Variants in GLIS3 observed in about 807,000 individuals in gnomAD.
GLIS3 encodes zinc finger protein GLIS3.
GLIS3 carries 53 observed loss-of-function variants against 78.6 expected under a neutral mutation model. That is an observed-to-expected ratio of 0.67 (90% CI 0.54 to 0.85). GLIS3 has a LOEUF of 0.85. Ranked by LOEUF, GLIS3 falls within the 40% of genes least tolerant of loss-of-function variation. The probability of loss-of-function intolerance (pLI) is 0.00; values close to 1 mark genes in which losing one functional copy is unlikely to be tolerated. For missense variants in GLIS3, 1,703 were observed against 1,231.1 expected (o/e 1.38, Z -5.74); for synonymous variants, 684 against 509.9 (o/e 1.34, Z -4.60).
intron 4 of GLIS3, among the ~76,000 whole-genome samples, chr9:3,966,234 T>C (rs565661745): frequency 6.6e-6 from 1 of 152,320 alleles, no homozygotes; most frequent in South Asian, 2.1e-4. Flanking sequence ...CTGAATGGGA[T>C]TGATGAAATC....
At chr9:3,924,729 T>C (rs1209876413) in intron 6 of GLIS3, among the ~76,000 whole-genome samples, 2 of 152,116 alleles carry the variant, frequency 1.3e-5, no homozygotes, top group African/African-American at 4.8e-5. Flanking sequence ...AATACTTTGG[T>C]GGGGATGGAG....
chr9:3,886,528 C>A (rs1822084534), intron 7 of GLIS3, among the ~76,000 whole-genome samples: 1 of 152,172 alleles, frequency 6.6e-6, no homozygotes, highest in Non-Finnish European at 1.5e-5. Flanking sequence ...AGTATTTTTA[C>A]ACTTTCAGCA....
At chr9:4,101,210 T>C (rs1417034820) in intron 4 of GLIS3, among the ~76,000 whole-genome samples, 1 of 152,200 alleles carries the variant, frequency 6.6e-6, no homozygotes, top group Non-Finnish European at 1.5e-5. Context: ...GCAACCATCT[T>C]TTCTACTGCA....
the GLIS3 span, among the ~76,000 whole-genome samples, chr9:4,481,511 CAT>C: frequency 8.8e-6 from 1 of 113,830 alleles, no homozygotes; most frequent in African/African-American, 4.0e-5. Flanking sequence ...TAATTAAAAA[CAT>C]AAGTGTGTGT....
At chr9:3,888,384 A>T (rs1025422976) in intron 7 of GLIS3, among the ~76,000 whole-genome samples, 1 of 152,156 alleles carries the variant, frequency 6.6e-6, no homozygotes, top group Non-Finnish European at 1.5e-5. Context: ...CTTTCACGTG[A>T]CTTCTAAAAT....
chr9:4,157,866 G>C (rs539944569), intron 2 of GLIS3, among the ~76,000 whole-genome samples: 1 of 152,048 alleles, frequency 6.6e-6, no homozygotes, highest in Non-Finnish European at 1.5e-5. Context: ...TTGCTTTCAT[G>C]GTTCATTTAG....
chr9:4,408,157 C>A, the GLIS3 span, among the ~76,000 whole-genome samples: 3 of 152,140 alleles, frequency 2.0e-5, no homozygotes, highest in East Asian at 5.8e-4. Context: ...CCCTCGTACG[C>A]TGTCAGTGGG....
chr9:3,825,262 C>G lies in GLIS3; in HGVS notation c.*3010G>C, dbSNP rs1817666438. 6.6e-6 allele frequency: 1 copy of G among 151,966 alleles called. No homozygotes were observed. The highest frequency in any genetic ancestry group is 2.1e-4 in the South Asian group (1 of 4,818). The allele number at this position is 151,966 out of a possible 1,614,324, so 9.4% of individuals were successfully genotyped here. On this transcript the variant is annotated 3_prime_UTR_variant, in exon 11 of 11. Transcript: ENST00000381971. Reference sequence around the variant, plus strand: ...TTTTTTTCTTCTTATTTTATGATCGCTTATGTAATTTGAGGGCGACATGGG... The same window carrying G: ...TTTTTTTCTTCTTATTTTATGATCGGTTATGTAATTTGAGGGCGACATGGG...
intron 2 of GLIS3, among the ~76,000 whole-genome samples, chr9:4,228,198 C>CA (rs59507597): frequency 0.023 from 2,491 of 106,928 alleles, 66 homozygotes; most frequent in East Asian, 0.075. Flanking sequence ...TCTAAGGTGG[C>CA]AAAAAAAAAA....
chr9:3,889,858 T>G (rs563147453), intron 7 of GLIS3, among the ~76,000 whole-genome samples: 1 of 152,340 alleles, frequency 6.6e-6, no homozygotes, highest in South Asian at 2.1e-4. Context: ...GCAGGCCAGA[T>G]TTGGCCTATG....
At chr9:4,150,100 T>C (rs993118645) in intron 2 of GLIS3, among the ~76,000 whole-genome samples, 43 of 152,050 alleles carry the variant, frequency 2.8e-4, no homozygotes, top group African/African-American at 1.0e-3. Context: ...TCTGGTACAA[T>C]AAAAGGTAAA....
intron 4 of GLIS3, among the ~76,000 whole-genome samples, chr9:4,028,787 A>C (rs1179032003): frequency 6.6e-6 from 1 of 152,354 alleles, no homozygotes; most frequent in South Asian, 2.1e-4. Context: ...ATTTGTAGCT[A>C]ATGAGCTAAG....
chr9:4,435,313 G>A, the GLIS3 span, among the ~76,000 whole-genome samples: 3 of 150,002 alleles, frequency 2.0e-5, no homozygotes, highest in Non-Finnish European at 4.5e-5. Context: ...TAGATTGAAT[G>A]GGATTATGAA....
chr9:4,254,659 G>GTGAA (rs1008733788), intron 2 of GLIS3, among the ~76,000 whole-genome samples: 7 of 152,036 alleles, frequency 4.6e-5, no homozygotes, highest in Non-Finnish European at 8.8e-5. Flanking sequence ...GGCCAACATG[G>GTGAA]TGAAACCCCA....
intron 4 of GLIS3, among the ~76,000 whole-genome samples, chr9:4,115,885 G>T (rs1016622659): frequency 1.3e-5 from 2 of 152,172 alleles, no homozygotes; most frequent in Non-Finnish European, 2.9e-5. Context: ...CCACCTAGAA[G>T]TGGGGAGTGG....
chr9:4,084,319 T>C (rs1330480515), intron 4 of GLIS3, among the ~76,000 whole-genome samples: 1 of 145,998 alleles, frequency 6.8e-6, no homozygotes, highest in Admixed American at 6.9e-5. Flanking sequence ...CCCTTAAACT[T>C]AGAGGGGCCT....
At chr9:4,328,548 A>G (rs1016177449) in intron 2 of GLIS3, among the ~76,000 whole-genome samples, 3 of 152,224 alleles carry the variant, frequency 2.0e-5, no homozygotes, top group Non-Finnish European at 2.9e-5. Flanking sequence ...GGGGAAATCT[A>G]GAGGGGCCAA....
Position 4,321,251 on chromosome 9 carries a change from T to G in GLIS3, n.265-10723A>C, listed in dbSNP as rs192876260. Among the ~76,000 whole-genome samples, 102 of 132,508 alleles carry G rather than the reference T, an allele frequency of 7.7e-4. 3 individuals carry two copies. Among genetic ancestry groups the G allele is most frequent in the Admixed American group, 2.8e-3 (38 of 13,730 alleles). 86.9% of individuals were successfully genotyped at this position (132,508 alleles called of 152,430 possible). A position where few individuals can be genotyped will look rare whatever the true frequency, so the allele number is the denominator to read the frequency against. On this transcript the variant is annotated intron_variant and non_coding_transcript_variant, in intron 2 of 4. Transcript: ENST00000471664. ...CTGGCTAACACGGTGAAACCCCGTC[T>G]CTACTAAAAATACAAAAAAAATTAG...
chr9:4,396,756 T>C, the GLIS3 span, among the ~76,000 whole-genome samples: 2 of 152,200 alleles, frequency 1.3e-5, no homozygotes, highest in African/African-American at 4.8e-5. Context: ...TTCCAGGACA[T>C]ACCTCGTTAG....
Sources: gnomAD v4.1 joint callset for allele counts (sites outside exome capture counted in the v4.1 genomes callset) on GRCh38, gnomAD v4.1.1 for gene constraint, MANE v1.5 for transcripts, NCBI Gene and HGNC (gene_info 2026-07-23, HGNC 2026-07-21) for gene names.